Variants in MYEF2 observed in about 807,000 individuals in gnomAD.
MYEF2 encodes the protein myelin expression factor 2.
A neutral mutation model predicts 75.2 loss-of-function variants in MYEF2; 37 were observed. That is an observed-to-expected ratio of 0.49 (90% confidence interval 0.38 to 0.65). The LOEUF (loss-of-function observed/expected upper bound fraction) is 0.65. Among genes scored for constraint, MYEF2 ranks in the 30% least tolerant of loss-of-function variants. The pLI is 0.00. For synonymous variants in MYEF2, 195 were observed against 241.6 expected (o/e 0.81, Z 1.79); for missense variants, 634 against 771.4 (o/e 0.82, Z 2.11).
In MYEF2 at chr15:48,134,660, G is replaced by A; in HGVS notation, c.*8248C>T. On this transcript the variant is annotated 3_prime_UTR_variant, in exon 17 of 17. Transcript: ENST00000324324. ...GTGCAATCAAATTTATTAATCAGTAGAAAAACAACATGTATTCAATTTAAT... is the reference window on the plus strand; with the variant it reads ...GTGCAATCAAATTTATTAATCAGTAAAAAAACAACATGTATTCAATTTAAT... 1.3e-6 allele frequency: 1 copy of A among 769,764 alleles called. No homozygotes were observed. The highest frequency in any genetic ancestry group is 2.1e-6 in the Non-Finnish European group (1 of 476,204). 47.7% of individuals were successfully genotyped at this position (769,764 alleles called of 1,614,324 possible). A position where few individuals can be genotyped will look rare whatever the true frequency, so the allele number is the denominator to read the frequency against.
intron 1 of MYEF2, among the ~76,000 whole-genome samples, chr15:48,175,506 T>C (rs368811366): frequency 6.6e-6 from 1 of 152,156 alleles, no homozygotes; most frequent in African/African-American, 2.4e-5. Context: ...AACAGATACG[T>C]TAATTAGCGT....
intron 1 of MYEF2, among the ~76,000 whole-genome samples, chr15:48,174,385 G>A (rs1323036406): frequency 2.2e-5 from 1 of 46,380 alleles, no homozygotes. Flanking sequence ...CTTGGCCTTG[G>A]CAATGATTTT....
chr15:48,165,979 G>C lies in MYEF2; in HGVS notation c.479C>G (p.Thr160Ser), dbSNP rs371575787. Reference protein sequence around the residue: ...DEEFVKKALETMNKYDLSGRP... With the variant: ...DEEFVKKALESMNKYDLSGRP... ...TCCACTAAGATCATATTTGTTCATA[G>C]TTTCTAGGGCTTTCTTTACAAATTC... The change falls in exon 5 of 17, where the codon ACT becomes AGT. Residue 160 changes from threonine (T) to serine (S), a missense_variant. Coordinates refer to ENST00000324324, the MANE Select transcript of MYEF2 (RefSeq NM_016132.5). The C allele has an allele frequency of 6.3e-7, 1 of 1,595,620 alleles. No individual in the cohort carries two copies. Among genetic ancestry groups the C allele is most frequent in the African/African-American group, 1.3e-5 (1 of 74,080 alleles).
chr15:48,160,006 CAGTT>C (rs1046442130), intron 5 of MYEF2, among the ~76,000 whole-genome samples: 5 of 152,046 alleles, frequency 3.3e-5, no homozygotes, highest in African/African-American at 1.2e-4. Flanking sequence ...CCAGAGATGT[CAGTT>C]AATTTTTTTT....
In MYEF2 at chr15:48,138,724, G is replaced by A. The variant is rs1345539647; in HGVS notation, c.*4184C>T. ...ACAATATATTTAACGAATGGCCCAA[G>A]ACATTTTTATAGATTTAAGGCCCCA... On this transcript the variant is annotated 3_prime_UTR_variant, in exon 17 of 17. Transcript: ENST00000324324. 4.6e-6 allele frequency: 2 copies of A among 436,332 alleles called. No homozygotes were observed. The highest frequency in any genetic ancestry group is 8.3e-6 in the Non-Finnish European group (2 of 240,942). 27.0% of individuals were successfully genotyped at this position (436,332 alleles called of 1,614,324 possible).
Position 48,168,736 on chromosome 15 carries a change from A to T in MYEF2, c.265T>A (p.Ser89Thr). Residue 89 changes from serine to threonine, a missense_variant, in exon 2 of 17, where the codon TCG becomes ACG. Physicochemically the swap from Ser to Thr is moderately conservative, Grantham distance 58 (BLOSUM62 1). Coordinates refer to ENST00000324324, the MANE Select transcript of MYEF2 (RefSeq NM_016132.5). Reference sequence around the variant, plus strand: ...GGACCCTTCTTTTCTCCAGCGCCCGAATTCTTGTCTTTTGAATAAGGATGA... The same window carrying T: ...GGACCCTTCTTTTCTCCAGCGCCCGTATTCTTGTCTTTTGAATAAGGATGA... ...RFHPYSKDKN[S>T]GAGEKKGPNR... The T allele has an allele frequency of 6.2e-7, 1 of 1,613,726 alleles. No individual in the cohort carries two copies. The highest frequency in any genetic ancestry group is 8.5e-7 in the Non-Finnish European group (1 of 1,179,730).
Position 48,137,023 on chromosome 15 carries a change from CA to C in MYEF2, c.*5884del. ...TCGCAAAGGAAAAACTTTAAAATTTCATTTCAATTCAGCAAGTATTGTGTGC... is the reference window on the plus strand; with the variant it reads ...TCGCAAAGGAAAAACTTTAAAATTTCTTTCAATTCAGCAAGTATTGTGTGC... On this transcript the variant is annotated 3_prime_UTR_variant, in exon 17 of 17. Coordinates refer to ENST00000324324, the MANE Select transcript of MYEF2 (RefSeq NM_016132.5). 4 of 1,496,028 alleles carry C rather than the reference CA, an allele frequency of 2.7e-6. No individual in the cohort carries two copies. Among genetic ancestry groups the C allele is most frequent in the Non-Finnish European group, 3.6e-6 (4 of 1,114,122 alleles). The allele number at this position is 1,496,028 out of a possible 1,614,324, so 92.7% of individuals were successfully genotyped here.
chr15:48,156,988 C>T (rs2039722850), intron 9 of MYEF2: 1 of 151,862 alleles, frequency 6.6e-6, no homozygotes, highest in Admixed American at 6.6e-5. Flanking sequence ...TCCATTTTAC[C>T]ATAAAATTTT....
rs778553284 is a variant in MYEF2, at chr15:48,138,020, CCT to C, written c.*4886_*4887del. ...AAAATTTTAAAACATGACTTTTCCCCCTTTTTACAAAAATTTTAGCTTCTACT... is the reference window on the plus strand; with the variant it reads ...AAAATTTTAAAACATGACTTTTCCCCTTTTACAAAAATTTTAGCTTCTACT... On this transcript the variant is annotated 3_prime_UTR_variant, in exon 17 of 17. Coordinates refer to ENST00000324324, the MANE Select transcript of MYEF2 (RefSeq NM_016132.5). 2 of 151,970 alleles carry C rather than the reference CCT, an allele frequency of 1.3e-5. No homozygotes were observed. Among genetic ancestry groups the C allele is most frequent in the African/African-American group, 2.4e-5 (1 of 41,394 alleles). The allele number at this position is 151,970 out of a possible 1,614,324, so 9.4% of individuals were successfully genotyped here. A position where few individuals can be genotyped will look rare whatever the true frequency, so the allele number is the denominator to read the frequency against.
chr15:48,175,158 A>G (rs778185202), intron 1 of MYEF2, among the ~76,000 whole-genome samples: 2 of 152,152 alleles, frequency 1.3e-5, no homozygotes, highest in Non-Finnish European at 2.9e-5. Flanking sequence ...AAATCTTGCC[A>G]TTTGCAACAA....
Position 48,149,548 on chromosome 15 carries a change from C to A in MYEF2, c.1379-177G>T, listed in dbSNP as rs935967117. On this transcript the variant is annotated intron_variant, in intron 14 of 16. Transcript: ENST00000324324. The surrounding 1 kb of genome is among the most constrained non-coding windows in gnomAD (Gnocchi z 4.0). ...ATAAAAACATAAAATTATTTTCATA[C>A]AGATAACAACTTTCCAAAGAACAGA... 2 of 425,388 alleles carry A rather than the reference C, an allele frequency of 4.7e-6. No homozygotes were observed. The highest frequency in any genetic ancestry group is 7.7e-5 in the Admixed American group (2 of 25,854). The allele number at this position is 425,388 out of a possible 1,614,324, so 26.4% of individuals were successfully genotyped here. A position where few individuals can be genotyped will look rare whatever the true frequency, so the allele number is the denominator to read the frequency against.
At position 48,149,012 on chromosome 15, in the gene MYEF2, G is replaced by A. The variant is rs1234531370; in HGVS notation, c.1639+20C>T. 6.2e-7 allele frequency: 1 copy of A among 1,610,602 alleles called. No homozygotes were observed. On this transcript the variant is annotated intron_variant, in intron 16 of 16. Transcript: ENST00000324324. The surrounding 1 kb of genome is among the most constrained non-coding windows in gnomAD (Gnocchi z 4.0). ...CTCCATAATCAATATCAACATATCT[G>A]CAGTCATTTGCATACTTACCACACT...
rs776969433 is a variant in MYEF2 at position 48,139,032 on chromosome 15, T to G, written c.*3876A>C. On this transcript the variant is annotated 3_prime_UTR_variant, in exon 17 of 17. Transcript: ENST00000324324. ...AAAAGAATTTTTTGGGTATTATCCC[T>G]TCCTATTATTACATTACTTTTTCTA... 2 of 1,613,172 alleles carry G rather than the reference T, an allele frequency of 1.2e-6. No individual in the cohort carries two copies. Among genetic ancestry groups the G allele is most frequent in the South Asian group, 1.1e-5 (1 of 91,032 alleles).
In MYEF2 at chr15:48,159,735, G is replaced by T; in HGVS notation, c.595C>A (p.Pro199Thr). Reference sequence around the variant, plus strand: ...TTCATCAACCCTGATCCCATATCAGGGACGTGTCCTCCTGGAAATGATCCT... The same window carrying T: ...TTCATCAACCCTGATCCCATATCAGTGACGTGTCCTCCTGGAAATGATCCT... ...TGGSFPGGHV[P>T]DMGSGLMNLP... Residue 199 changes from proline to threonine, a missense_variant, in exon 6 of 17, where the codon CCT (proline) becomes ACT (threonine). Pro to Thr is a conservative substitution (Grantham distance 38). Coordinates refer to ENST00000324324, the MANE Select transcript of MYEF2 (RefSeq NM_016132.5). The T allele has an allele frequency of 6.2e-7, 1 of 1,613,552 alleles. No homozygotes were observed. Among genetic ancestry groups the T allele is most frequent in the Non-Finnish European group, 8.5e-7 (1 of 1,179,726 alleles).
Position 48,141,897 on chromosome 15 carries a change from CTT to C in MYEF2, c.*1009_*1010del, listed in dbSNP as rs2039102791. ...ATTTAAAAATACAAATTCAGTAAGA[CTT>C]TTGCTCTAACAACAATTTTTCAAAA... On this transcript the variant is annotated 3_prime_UTR_variant, in exon 17 of 17. Transcript: ENST00000324324. The C allele has an allele frequency of 9.9e-6, 6 of 608,004 alleles. No individual in the cohort carries two copies. In the Admixed American group the frequency reaches 1.7e-4, roughly 18 times the overall value. The allele number at this position is 608,004 out of a possible 1,614,324, so 37.7% of individuals were successfully genotyped here.
Position 48,149,305 on chromosome 15 carries a change from G to A in MYEF2, c.1445C>T (p.Ser482Phe). 2 of 1,612,996 alleles carry A rather than the reference G, an allele frequency of 1.2e-6. No homozygotes were observed. Among genetic ancestry groups the A allele is most frequent in the South Asian group, 2.2e-5 (2 of 91,042 alleles). Residue 482 changes from serine to phenylalanine, a missense_variant, in exon 15 of 17, where the codon TCC becomes TTC. Transcript: ENST00000324324. The surrounding 1 kb of genome is among the most constrained non-coding windows in gnomAD (Gnocchi z 4.0). Reference protein sequence around the residue: ...GMGMGLDRMSSSFDRMGPGIG... With the variant: ...GMGMGLDRMSFSFDRMGPGIG... ...ACCTGGTCCCATTCTATCAAAGCTG[G>A]AACTCATCCGGTCCAGTCCCATCCC... is the stretch of plus-strand genomic sequence containing the variant.
chr15:48,149,145 T>A lies in MYEF2; in HGVS notation c.1587+18A>T. The A allele has an allele frequency of 6.2e-7, 1 of 1,612,878 alleles. No homozygotes were observed. Reference sequence around the variant, plus strand: ...GAAAAAAAAGAATTTGAATTATCCTTAATATTTATTTGCTTACATTTCTGA... The same window carrying A: ...GAAAAAAAAGAATTTGAATTATCCTAAATATTTATTTGCTTACATTTCTGA... On this transcript the variant is annotated intron_variant, in intron 15 of 16. Coordinates refer to ENST00000324324, the MANE Select transcript of MYEF2 (RefSeq NM_016132.5). The surrounding 1 kb of genome is among the most constrained non-coding windows in gnomAD (Gnocchi z 4.0).
chr15:48,146,873 T>C (rs374992941), intron 16 of MYEF2, among the ~76,000 whole-genome samples: 1 of 152,026 alleles, frequency 6.6e-6, no homozygotes, highest in Non-Finnish European at 1.5e-5. Context: ...ATAATTTGTA[T>C]AGTTGTCAAT....
intron 5 of MYEF2, chr15:48,162,720 A>C (rs2039987111): frequency 6.6e-6 from 1 of 152,088 alleles, no homozygotes; most frequent in African/African-American, 2.4e-5. Flanking sequence ...GCAATATCTC[A>C]ACCTTCTTCA....
Sources: allele counts gnomAD v4.1 joint callset (sites outside exome capture counted in the v4.1 genomes callset), GRCh38; gene constraint gnomAD v4.1.1; non-coding constraint Gnocchi (gnomAD v3.1); transcripts MANE v1.5; gene names NCBI Gene and HGNC (gene_info 2026-07-23, HGNC 2026-07-21).